The following POU2F1 variants were observed in gnomAD, a reference collection of about 807,000 sequenced individuals.
The protein encoded by POU2F1 is POU class 2 homeobox 1.
In POU2F1, 16 loss-of-function variants were observed where a neutral mutation model predicts 84.9. The observed-to-expected ratio is 0.19, with a 90% CI of 0.13 to 0.29. The LOEUF is 0.29. Among genes scored for constraint, POU2F1 ranks in the 10% least tolerant of loss-of-function variants. The pLI is 1.00. For missense variants in POU2F1, 738 were observed against 942.6 expected (o/e 0.78, Z 2.84); for synonymous variants, 368 against 368.3 (o/e 1.00, Z 0.01).
chr1:167,342,048 T>G (rs1171774905), intron 2 of POU2F1, among the ~76,000 whole-genome samples: 1 of 152,086 alleles, frequency 6.6e-6, no homozygotes, highest in Non-Finnish European at 1.5e-5. Flanking sequence ...TCATGTCTTC[T>G]GGAGCCTGGG....
At chr1:167,363,858 A>T (rs1292694857) in intron 2 of POU2F1, among the ~76,000 whole-genome samples, 1 of 152,262 alleles carries the variant, frequency 6.6e-6, no homozygotes, top group African/African-American at 2.4e-5. Context: ...TTTAAGTAAT[A>T]CATCTGCCAG....
chr1:167,292,565 A>G (rs1215199685), intron 1 of POU2F1, among the ~76,000 whole-genome samples: 1 of 151,886 alleles, frequency 6.6e-6, no homozygotes, highest in Non-Finnish European at 1.5e-5. Context: ...TTAAAGAAGA[A>G]TTGGTACCAA....
At chr1:167,258,770 AT>A (rs1183353903) in intron 1 of POU2F1, among the ~76,000 whole-genome samples, 2 of 152,238 alleles carry the variant, frequency 1.3e-5, no homozygotes, top group Non-Finnish European at 2.9e-5. Context: ...ATATAAACGA[AT>A]AGAATAGTAA....
intron 2 of POU2F1, among the ~76,000 whole-genome samples, chr1:167,345,135 A>G (rs79307480): frequency 0.026 from 4,013 of 152,284 alleles, 173 homozygotes; most frequent in African/African-American, 0.089. Context: ...TTATGTAACA[A>G]GCCTGCATGT....
At chr1:167,330,955 T>C (rs1220033123) in intron 1 of POU2F1, among the ~76,000 whole-genome samples, 1 of 152,134 alleles carries the variant, frequency 6.6e-6, no homozygotes, top group African/African-American at 2.4e-5. Flanking sequence ...ATTACATTTG[T>C]TGTGATCTCT....
At chr1:167,411,405 GTT>G (rs535290005) in intron 13 of POU2F1, among the ~76,000 whole-genome samples, 1 of 144,674 alleles carries the variant, frequency 6.9e-6, no homozygotes. Context: ...ATTGTATGTT[GTT>G]TTTTTTTTTA....
At chr1:167,221,181 G>A (rs1056422539) in intron 1 of POU2F1, among the ~76,000 whole-genome samples, 1 of 151,590 alleles carries the variant, frequency 6.6e-6, no homozygotes, top group Non-Finnish European at 1.5e-5. Flanking sequence ...AAAGGGGGCT[G>A]CGATCCACTG....
intron 8 of POU2F1, among the ~76,000 whole-genome samples, chr1:167,385,307 C>CT (rs1281477437): frequency 6.6e-6 from 1 of 152,112 alleles, no homozygotes; most frequent in Non-Finnish European, 1.5e-5. Flanking sequence ...ACCTAGCAGG[C>CT]TTTTTTGTAG....
chr1:167,231,135 A>G (rs1376524874), intron 1 of POU2F1, among the ~76,000 whole-genome samples: 1 of 152,234 alleles, frequency 6.6e-6, no homozygotes, highest in East Asian at 1.9e-4. Context: ...AGCATTAACG[A>G]TAATAGCTTT....
At chr1:167,400,254 C>G (rs1329410173) in intron 12 of POU2F1, among the ~76,000 whole-genome samples, 1 of 151,898 alleles carries the variant, frequency 6.6e-6, no homozygotes, top group Admixed American at 6.6e-5. Flanking sequence ...TCCCAAAGTC[C>G]CAACGTGCTG....
At chr1:167,415,372 C>A in intron 15 of POU2F1, 128 bp from the exon 16 acceptor site, 2 of 1,008,584 alleles carry the variant, frequency 2.0e-6, no homozygotes, top group Non-Finnish European at 2.9e-6. Flanking sequence ...GAAAAAAATT[C>A]AGTGAAGGGC....
intron 11 of POU2F1, 32 bp from the exon 12 acceptor site, chr1:167,399,154 A>G: frequency 6.4e-7 from 1 of 1,569,698 alleles, no homozygotes. Context: ...TGCAAAGGAT[A>G]GCTTTTGGAA....
At chr1:167,266,268 A>G (rs764308990) in intron 1 of POU2F1, among the ~76,000 whole-genome samples, 4 of 152,204 alleles carry the variant, frequency 2.6e-5, no homozygotes, top group Non-Finnish European at 2.9e-5. Flanking sequence ...AATCTCCTTA[A>G]TGGTACCAAA....
At chr1:167,351,810 C>T (rs1658602939) in intron 2 of POU2F1, among the ~76,000 whole-genome samples, 1 of 152,084 alleles carries the variant, frequency 6.6e-6, no homozygotes, top group Non-Finnish European at 1.5e-5. Context: ...CCCTGACTCT[C>T]CTCTCCTCCC....
chr1:167,295,762 A>T (rs904957214), intron 1 of POU2F1, among the ~76,000 whole-genome samples: 2 of 152,194 alleles, frequency 1.3e-5, no homozygotes, highest in African/African-American at 4.8e-5. Flanking sequence ...GCTTGGTGTT[A>T]TCATAACCAG....
At chr1:167,382,619 G>A (rs1313955419) in intron 7 of POU2F1, among the ~76,000 whole-genome samples, 1 of 152,076 alleles carries the variant, frequency 6.6e-6, no homozygotes, top group Non-Finnish European at 1.5e-5. Flanking sequence ...TGAACTATAG[G>A]GAGACACTTG....
At chr1:167,392,116 G>A (rs1255962730) in intron 9 of POU2F1, among the ~76,000 whole-genome samples, 5 of 152,058 alleles carry the variant, frequency 3.3e-5, no homozygotes, top group African/African-American at 7.2e-5. Context: ...TTGGGAGGCC[G>A]AGGCAGGTGG....
chr1:167,381,603 CTTTTTTTTTTTTT>C (rs147770215), intron 7 of POU2F1, among the ~76,000 whole-genome samples: 3 of 65,988 alleles, frequency 4.5e-5, no homozygotes, highest in Admixed American at 2.1e-4. Flanking sequence ...GCTCTCTTCT[CTTTTTTTTTTTTT>C]TTTTTTTTTT....
intron 9 of POU2F1, among the ~76,000 whole-genome samples, chr1:167,390,869 C>A (rs1354299664): frequency 1.3e-5 from 2 of 152,100 alleles, no homozygotes; most frequent in African/African-American, 4.8e-5. Flanking sequence ...GGCATGCAAG[C>A]ACAGGCACGC....
Sources: gnomAD v4.1 joint callset for allele counts (sites outside exome capture counted in the v4.1 genomes callset) on GRCh38, gnomAD v4.1.1 for gene constraint, MANE v1.5 for transcripts, NCBI Gene and HGNC (gene_info 2026-07-23, HGNC 2026-07-21) for gene names.